The following C18orf63 variants were observed in gnomAD, a reference collection of about 807,000 sequenced individuals.
C18orf63 encodes chromosome 18 open reading frame 63.
A neutral mutation model predicts 75.3 loss-of-function variants in C18orf63; 50 were observed. The ratio of observed to expected loss-of-function variants is 0.66; its 90% CI spans 0.53 to 0.84. The LOEUF is 0.84. Ranked by LOEUF, C18orf63 falls within the 40% of genes least tolerant of loss-of-function variation. The probability of loss-of-function intolerance (pLI) is 0.00; values close to 1 mark genes in which losing one functional copy is unlikely to be tolerated. For synonymous variants in C18orf63, 232 were observed against 267.6 expected (o/e 0.87, Z 1.30); for missense variants, 732 against 800.2 (o/e 0.91, Z 1.03).
chr18:74,338,705 C>A lies in C18orf63; in HGVS notation c.502-10C>A. 5 of 1,230,402 alleles carry A rather than the reference C, an allele frequency of 4.1e-6. No homozygotes were observed. In the South Asian group the frequency reaches 7.9e-5, roughly 19 times the overall value. The allele number at this position is 1,230,402 out of a possible 1,614,324, so 76.2% of individuals were successfully genotyped here. ...ATTTGAGGACTTACAAATCTTATTT[C>A]TATTAAAAGCTAAAAGAGTTTGAGA... On this transcript the variant is annotated splice_polypyrimidine_tract_variant and intron_variant, in intron 7 of 13. Coordinates refer to ENST00000579455, the MANE Select transcript of C18orf63 (RefSeq NM_001174123.2).
chr18:74,335,025 T>A (rs2145122621), intron 7 of C18orf63, among the ~76,000 whole-genome samples: 1 of 152,306 alleles, frequency 6.6e-6, no homozygotes, highest in East Asian at 1.9e-4. Context: ...ATTCCCCAGC[T>A]CCTAAGTCTC....
intron 2 of C18orf63, among the ~76,000 whole-genome samples, chr18:74,320,053 G>A (rs536866234): frequency 2.0e-5 from 3 of 152,276 alleles, no homozygotes; most frequent in East Asian, 3.9e-4. Context: ...GAAACTTAAC[G>A]TTTTAGCTAA....
At chr18:74,318,429 A>G (rs888711042) in intron 2 of C18orf63, among the ~76,000 whole-genome samples, 4 of 152,304 alleles carry the variant, frequency 2.6e-5, no homozygotes, top group Middle Eastern at 6.8e-3. Flanking sequence ...TCAAGTCAGT[A>G]TGAGACACTG....
chr18:74,320,485 C>G, intron 2 of C18orf63, 28 bp from the exon 3 acceptor site: 1 of 1,453,946 alleles, frequency 6.9e-7, no homozygotes, highest in African/African-American at 1.4e-5. Context: ...CATACCAGTC[C>G]ACTTTGTAAT....
At chr18:74,355,019 T>C (rs913461190) in intron 13 of C18orf63, among the ~76,000 whole-genome samples, 3 of 152,246 alleles carry the variant, frequency 2.0e-5, no homozygotes, top group African/African-American at 7.2e-5. Flanking sequence ...TAATGCCCAG[T>C]TCATGGCACT....
At chr18:74,350,334 C>T (rs1599009654) in intron 11 of C18orf63, among the ~76,000 whole-genome samples, 1 of 152,224 alleles carries the variant, frequency 6.6e-6, no homozygotes, top group South Asian at 2.1e-4. Flanking sequence ...GAAATCCTAA[C>T]CCCCAGTTCC....
chr18:74,328,928 G>T, intron 5 of C18orf63, 67 bp from the exon 6 acceptor site: 1 of 886,448 alleles, frequency 1.1e-6, no homozygotes, highest in Non-Finnish European at 1.8e-6. Context: ...ATCAAGCATA[G>T]TTATAAATAT....
At chr18:74,340,644 G>T (rs1213607096) in intron 8 of C18orf63, among the ~76,000 whole-genome samples, 2 of 152,062 alleles carry the variant, frequency 1.3e-5, no homozygotes, top group Non-Finnish European at 2.9e-5. Flanking sequence ...GAAGTATGTG[G>T]TATATACACA....
In C18orf63 at chr18:74,353,748, A is replaced by G. The variant is rs76315481; in HGVS notation, c.1481A>G (p.Asn494Ser). The G allele has an allele frequency of 0.012, 18,298 of 1,536,038 alleles. 766 individuals carry two copies. The East Asian group carries it at 0.15, about 13-fold the overall frequency. ...GPAIKNRYSS[N>S]IQMQAANNLN... ...GCTATAAAAAACCGTTATAGTAGTAACATTCAGATGCAGGCTGCTAACAAT... is the reference window on the plus strand; with the variant it reads ...GCTATAAAAAACCGTTATAGTAGTAGCATTCAGATGCAGGCTGCTAACAAT... The change falls in exon 12 of 14, where the codon AAC (asparagine) becomes AGC (serine). Residue 494 changes from asparagine (N) to serine (S), a missense_variant. This residue lies in a region of C18orf63 where 495 missense variants were observed against 508.7 expected (regional missense o/e 0.97). Coordinates refer to ENST00000579455, the MANE Select transcript of C18orf63 (RefSeq NM_001174123.2).
In C18orf63 at chr18:74,342,108, CA is replaced by C. The variant is rs1483033892; in HGVS notation, c.689del (p.Gln230ArgfsTer53). ...TCCTTTTCACTCATATGGAGATTTCCAGAGACACTGGGATGCCCTGGTAAGG... is the reference window on the plus strand; with the variant it reads ...TCCTTTTCACTCATATGGAGATTTCCGAGACACTGGGATGCCCTGGTAAGG... ...ACPFHSYGDFQRHWDALYGYK... is the reference protein window; with the variant it reads ...ACPFHSYGDFXRHWDALYGYK... On this transcript the variant is annotated frameshift_variant, in exon 9 of 14. Coordinates refer to ENST00000579455, the MANE Select transcript of C18orf63 (RefSeq NM_001174123.2). LOFTEE classifies it high-confidence loss of function. The C allele has an allele frequency of 2.0e-6, 3 of 1,517,504 alleles. No individual in the cohort carries two copies. The African/African-American group carries it at 4.1e-5, about 21-fold the overall frequency. The allele number at this position is 1,517,504 out of a possible 1,614,324, so 94.0% of individuals were successfully genotyped here.
At chr18:74,354,630 A>C (rs1452460509) in intron 13 of C18orf63, 84 bp downstream of exon 13, 5 of 621,880 alleles carry the variant, frequency 8.0e-6, no homozygotes, top group Non-Finnish European at 1.4e-5. Context: ...CCTCTTGGTA[A>C]AAAGCAGCTA....
chr18:74,354,586 C>A, intron 13 of C18orf63, 40 bp downstream of exon 13: 1 of 1,039,346 alleles, frequency 9.6e-7, no homozygotes, highest in Non-Finnish European at 1.4e-6. Flanking sequence ...TTTACATTAT[C>A]TGAATTGGGA....
chr18:74,350,527 C>T (rs961436512), intron 11 of C18orf63, among the ~76,000 whole-genome samples: 4 of 152,200 alleles, frequency 2.6e-5, no homozygotes, highest in East Asian at 1.9e-4. Context: ...ATCTACAAGC[C>T]GAGGAAACAG....
intron 4 of C18orf63, among the ~76,000 whole-genome samples, chr18:74,326,559 G>A (rs1006785850): frequency 1.3e-4 from 20 of 152,138 alleles, no homozygotes; most frequent in African/African-American, 4.8e-4. Context: ...TCTCAGCTCT[G>A]TCTCCTCAAT....
chr18:74,335,281 G>C (rs1336878182), intron 7 of C18orf63, among the ~76,000 whole-genome samples: 1 of 151,860 alleles, frequency 6.6e-6, no homozygotes, highest in Non-Finnish European at 1.5e-5. Context: ...AATTCCTCTG[G>C]GCTAGAGATT....
At position 74,334,346 on chromosome 18, in the gene C18orf63, G is replaced by T. The variant is rs190503407; in HGVS notation, c.501+3404G>T. Among the ~76,000 whole-genome samples, 289 of 151,918 alleles carry T rather than the reference G, an allele frequency of 1.9e-3. 3 individuals are homozygous for T. The highest frequency in any genetic ancestry group is 6.2e-3 in the African/African-American group (257 of 41,414). On this transcript the variant is annotated intron_variant, in intron 7 of 13. Coordinates refer to ENST00000579455, the MANE Select transcript of C18orf63 (RefSeq NM_001174123.2). The stretch of plus-strand genomic sequence containing the variant: ...AGGAAGGGGAGAAAAGAGGAGGAGG[G>T]TAGGCAATGAGGCAAATGGTTACAT...
At chr18:74,332,562 G>T (rs1599003889) in intron 7 of C18orf63, among the ~76,000 whole-genome samples, 1 of 152,038 alleles carries the variant, frequency 6.6e-6, no homozygotes, top group African/African-American at 2.4e-5. Context: ...CATTAGCTGG[G>T]CATGGTGGTG....
In C18orf63 at chr18:74,356,927, A is replaced by T. The variant is rs561716361; in HGVS notation, c.*480A>T. 7.9e-5 allele frequency: 12 copies of T among 152,208 alleles called. No homozygotes were observed. In the East Asian group the frequency reaches 2.1e-3, roughly 27 times the overall value. The allele number at this position is 152,208 out of a possible 1,614,324, so 9.4% of individuals were successfully genotyped here. ...ATGCTTTTTTTTGCTATAATCTTTT[A>T]AAGCAAATTCAAGACATCATATAAT... On this transcript the variant is annotated 3_prime_UTR_variant, in exon 14 of 14. Coordinates refer to ENST00000579455, the MANE Select transcript of C18orf63 (RefSeq NM_001174123.2).
chr18:74,324,621 A>ATCAT (rs1984178390), intron 4 of C18orf63, among the ~76,000 whole-genome samples: 1 of 152,220 alleles, frequency 6.6e-6, no homozygotes, highest in African/African-American at 2.4e-5. Flanking sequence ...ACTAAGCATC[A>ATCAT]TCATTTTTAT....
Sources: gnomAD v4.1 joint callset for allele counts (sites outside exome capture counted in the v4.1 genomes callset) on GRCh38, gnomAD v4.1.1 for gene constraint, gnomAD v4.1.1 regional missense constraint, MANE v1.5 for transcripts, NCBI Gene and HGNC (gene_info 2026-07-23, HGNC 2026-07-21) for gene names.